The following NRG1 variants were observed in gnomAD, a reference collection of about 807,000 sequenced individuals.
NRG1 encodes neuregulin 1, also known as pro-neuregulin-1, membrane-bound isoform.
In NRG1, 18 loss-of-function variants were observed where a neutral mutation model predicts 63.8. The ratio of observed to expected loss-of-function variants is 0.28; its 90% CI spans 0.19 to 0.42. NRG1 has a LOEUF of 0.42. NRG1 is among the 10% of genes least tolerant of loss of function. NRG1 has a pLI of 1.00. For synonymous variants in NRG1, 302 were observed against 301.3 expected (o/e 1.00, Z -0.02); for missense variants, 762 against 814.7 (o/e 0.94, Z 0.79).
intron 5 of NRG1, among the ~76,000 whole-genome samples, chr8:32,687,442 G>T (rs1810461051): frequency 6.6e-6 from 1 of 152,170 alleles, no homozygotes; most frequent in African/African-American, 2.4e-5. Flanking sequence ...GAAGAAAAGG[G>T]AAAACCAGAA....
chr8:32,345,427 AG>A (rs1319353986), intron 1 of NRG1, among the ~76,000 whole-genome samples: 2 of 152,142 alleles, frequency 1.3e-5, no homozygotes, highest in African/African-American at 4.8e-5. Context: ...GTGGTTTCAA[AG>A]TTCCAAGAGC....
chr8:32,068,106 G>T (rs60180783), intron 1 of NRG1, among the ~76,000 whole-genome samples: 1 of 152,176 alleles, frequency 6.6e-6, no homozygotes, highest in African/African-American at 2.4e-5. Flanking sequence ...ACTGTATAAA[G>T]ATCATTTGTT....
intron 1 of NRG1, among the ~76,000 whole-genome samples, chr8:32,243,497 C>T (rs1291533866): frequency 4.6e-5 from 7 of 151,048 alleles, no homozygotes; most frequent in Admixed American, 2.6e-4. Context: ...CTCATTTTAA[C>T]TTGATGAGCT....
At position 31,678,285 on chromosome 8, in the gene NRG1, C is replaced by T. The variant is rs565247437; in HGVS notation, c.37+38854C>T. On this transcript the variant is annotated intron_variant, in intron 1 of 10. Transcript: ENST00000519301. ...CCCCTTTATCCCCTAGCCTCTGAAA[C>T]AGTTTAGTAATTCATAATTCACAGT... is the stretch of plus-strand genomic sequence containing the variant. 1.7e-4 allele frequency among the ~76,000 whole-genome samples: 26 copies of T among 152,118 alleles called. No homozygotes were observed. In the South Asian group the frequency reaches 5.2e-3, roughly 30 times the overall value.
chr8:32,042,423 G>A (rs1164770834), intron 1 of NRG1, among the ~76,000 whole-genome samples: 1 of 151,960 alleles, frequency 6.6e-6, no homozygotes, highest in East Asian at 1.9e-4. Context: ...TCCAGCTTGG[G>A]TGATAGAGCA....
intron 1 of NRG1, among the ~76,000 whole-genome samples, chr8:31,800,676 A>G (rs1379236615): frequency 6.6e-6 from 1 of 152,116 alleles, no homozygotes; most frequent in African/African-American, 2.4e-5. Flanking sequence ...TTTTTAGTTG[A>G]CCTGGTTTTT....
At chr8:31,653,480 A>G (rs770135924) in intron 1 of NRG1, among the ~76,000 whole-genome samples, 1 of 152,222 alleles carries the variant, frequency 6.6e-6, no homozygotes, top group Non-Finnish European at 1.5e-5. Flanking sequence ...ACACCGAGGC[A>G]TAGCCAAACC....
chr8:32,047,899 C>T (rs556015035), intron 1 of NRG1, among the ~76,000 whole-genome samples: 15 of 151,690 alleles, frequency 9.9e-5, no homozygotes, highest in Admixed American at 2.0e-4. Flanking sequence ...ATCCTTTAAC[C>T]GACATCTTCC....
chr8:32,417,383 G>A (rs1355744725), intron 1 of NRG1, among the ~76,000 whole-genome samples: 1 of 152,120 alleles, frequency 6.6e-6, no homozygotes, highest in East Asian at 1.9e-4. Flanking sequence ...TATTGGTGAG[G>A]TACAGGGAGC....
intron 1 of NRG1, among the ~76,000 whole-genome samples, chr8:32,336,260 T>G (rs906457724): frequency 1.3e-5 from 2 of 152,158 alleles, no homozygotes; most frequent in Non-Finnish European, 2.9e-5. Flanking sequence ...TATACTCTAG[T>G]GAGGGGGAGG....
At chr8:32,567,837 G>T (rs1449653476) in intron 1 of NRG1, among the ~76,000 whole-genome samples, 2 of 152,234 alleles carry the variant, frequency 1.3e-5, no homozygotes, top group Admixed American at 1.3e-4. Flanking sequence ...GTCAATTGAA[G>T]AAATTGTTTT....
At chr8:31,798,125 T>G (rs552105325) in intron 1 of NRG1, among the ~76,000 whole-genome samples, 4 of 152,250 alleles carry the variant, frequency 2.6e-5, no homozygotes, top group African/African-American at 9.6e-5. Flanking sequence ...GCAAGAAGAA[T>G]ACTTTCTAGT....
chr8:32,239,320 CA>C (rs561093846), intron 1 of NRG1, among the ~76,000 whole-genome samples: 2,427 of 131,710 alleles, frequency 0.018, 70 homozygotes, highest in African/African-American at 0.062. Flanking sequence ...TATCCAAAGG[CA>C]AAAAAAAAAA....
chr8:32,260,939 A>G (rs911174000), intron 1 of NRG1, among the ~76,000 whole-genome samples: 1 of 152,210 alleles, frequency 6.6e-6, no homozygotes, highest in Non-Finnish European at 1.5e-5. Flanking sequence ...ATGGAAGAAA[A>G]ACACTTAATG....
chr8:32,710,211 G>C (rs1817468578), intron 5 of NRG1, among the ~76,000 whole-genome samples: 1 of 152,124 alleles, frequency 6.6e-6, no homozygotes. Context: ...TGAGGTTAAA[G>C]AAAATTACAA....
At chr8:32,088,444 C>T (rs1454759518) in intron 1 of NRG1, among the ~76,000 whole-genome samples, 1 of 151,974 alleles carries the variant, frequency 6.6e-6, no homozygotes, top group Non-Finnish European at 1.5e-5. Context: ...TAATGGGCTA[C>T]CTGAGCAAAT....
At chr8:32,042,718 A>G (rs146571876) in intron 1 of NRG1, among the ~76,000 whole-genome samples, 8 of 152,230 alleles carry the variant, frequency 5.3e-5, no homozygotes, top group Non-Finnish European at 1.0e-4. Context: ...CAGACATTTT[A>G]TGGTAACTTT....
chr8:32,153,104 G>T (rs1362179071), intron 1 of NRG1, among the ~76,000 whole-genome samples: 1 of 152,122 alleles, frequency 6.6e-6, no homozygotes, highest in Non-Finnish European at 1.5e-5. Flanking sequence ...CAATTCAGCA[G>T]AATCTACAGT....
intron 5 of NRG1, among the ~76,000 whole-genome samples, chr8:32,644,801 C>CTTT (rs5890675): frequency 6.9e-6 from 1 of 144,258 alleles, no homozygotes. Context: ...TGCCCAGTAA[C>CTTT]TTTTTTTTTT....
Sources: gnomAD v4.1 joint callset for allele counts (sites outside exome capture counted in the v4.1 genomes callset) on GRCh38, gnomAD v4.1.1 for gene constraint, MANE v1.5 for transcripts, NCBI Gene and HGNC (gene_info 2026-07-23, HGNC 2026-07-21) for gene names.